Variants in ADAMTS2 observed in about 807,000 individuals in gnomAD.
The protein encoded by ADAMTS2 is ADAM metallopeptidase with thrombospondin type 1 motif 2.
ADAMTS2 carries 50 observed loss-of-function variants against 123.0 expected under a neutral mutation model. The observed-to-expected ratio is 0.41, with a 90% CI of 0.32 to 0.51. The LOEUF (loss-of-function observed/expected upper bound fraction) is 0.51, where lower values mean the gene tolerates loss of function less well. ADAMTS2 is among the 20% of genes least tolerant of loss of function. The pLI, the probability that ADAMTS2 is intolerant of heterozygous loss-of-function variation, is 0.35. For synonymous variants in ADAMTS2, 678 were observed against 695.4 expected, an observed-to-expected ratio of 0.98 and a Z score of 0.39; for missense variants, 1,494 against 1,705.2, an observed-to-expected ratio of 0.88 and a Z score of 2.18.
intron 3 of ADAMTS2, among the ~76,000 whole-genome samples, chr5:179,249,846 G>A (rs1214857424): frequency 6.6e-6 from 1 of 152,148 alleles, no homozygotes; most frequent in African/African-American, 2.4e-5. Context: ...ATCTTTCTAT[G>A]AGGCCAGCAT....
chr5:179,336,678 G>A (rs1757622003), intron 2 of ADAMTS2, among the ~76,000 whole-genome samples: 2 of 152,208 alleles, frequency 1.3e-5, no homozygotes, highest in South Asian at 4.1e-4. Flanking sequence ...CCTGGGGTAG[G>A]CGCTTGCTGC....
rs143793594 is a variant in ADAMTS2 at position 179,232,238 on chromosome 5, G to T, written c.689-24523C>A. ...TGTGCGGCTGTTACATTGCACCAAT[G>T]TTTTATCAAATCTCCGACTATGCCC... is the stretch of plus-strand genomic sequence containing the variant. On this transcript the variant is annotated intron_variant, in intron 3 of 21. Transcript: ENST00000251582. 9.8e-4 allele frequency among the ~76,000 whole-genome samples: 150 copies of T among 152,324 alleles called. 1 individual carries two copies. The highest frequency in any genetic ancestry group is 6.8e-3 in the Middle Eastern group (2 of 294).
At chr5:179,292,342 C>CCT (rs59290144) in intron 2 of ADAMTS2, among the ~76,000 whole-genome samples, 1 of 150,898 alleles carries the variant, frequency 6.6e-6, no homozygotes, top group African/African-American at 2.4e-5. Context: ...TATTACCCCC[C>CCT]AGCTGTGGGA....
chr5:179,274,069 C>G (rs1249674209), intron 2 of ADAMTS2, among the ~76,000 whole-genome samples: 2 of 151,112 alleles, frequency 1.3e-5, no homozygotes, highest in African/African-American at 4.9e-5. Context: ...CTGATTCAGA[C>G]CCCCTCACCT....
chr5:179,298,274 C>A (rs1756399518), intron 2 of ADAMTS2, among the ~76,000 whole-genome samples: 1 of 152,156 alleles, frequency 6.6e-6, no homozygotes, highest in African/African-American at 2.4e-5. Context: ...GCCAAGCCTC[C>A]ATGGAGATGA....
rs570216533 is a variant in ADAMTS2, at chr5:179,132,093, G to C, written c.2290+137C>G. The stretch of plus-strand genomic sequence containing the variant: ...CCCAGGTGGGCTGAGCAGAGGGACA[G>C]GTTGGGGAGGGGCTGCCCTGGCTCA... On this transcript the variant is annotated intron_variant, in intron 15 of 21. Coordinates refer to ENST00000251582, the MANE Select transcript of ADAMTS2 (RefSeq NM_014244.5). The surrounding 1 kb of genome is among the most constrained non-coding windows in gnomAD (Gnocchi z 6.1). 6.3e-5 allele frequency: 52 copies of C among 827,082 alleles called. No homozygotes were observed. Among genetic ancestry groups the C allele is most frequent in the Non-Finnish European group, 1.2e-5 (6 of 498,688 alleles). 51.2% of individuals were successfully genotyped at this position (827,082 alleles called of 1,614,324 possible).
rs1425551556 is a variant in ADAMTS2 at position 179,234,938 on chromosome 5, G to A, written c.689-27223C>T. Among the ~76,000 whole-genome samples the A allele has an allele frequency of 6.6e-6, 1 of 152,174 alleles. No homozygotes were observed. Among genetic ancestry groups the A allele is most frequent in the Non-Finnish European group, 1.5e-5 (1 of 68,032 alleles). ...AGCACACTGGCTAGGGCCTCCTGAT[G>A]GGCCTGACCTGCCTGCCAACCCTCC... On this transcript the variant is annotated intron_variant, in intron 3 of 21. Transcript: ENST00000251582. This position sits in a 1 kb window ranked among gnomAD's most constrained non-coding sequence, Gnocchi z 4.7.
In ADAMTS2 at chr5:179,128,617, T is replaced by G. The variant is rs1762902675; in HGVS notation, c.2458-499A>C. Among the ~76,000 whole-genome samples the G allele has an allele frequency of 6.6e-6, 1 of 152,124 alleles. No homozygotes were observed. The highest frequency in any genetic ancestry group is 6.5e-5 in the Admixed American group (1 of 15,278). On this transcript the variant is annotated intron_variant, in intron 16 of 21. Transcript: ENST00000251582. This position sits in a 1 kb window ranked among gnomAD's most constrained non-coding sequence, Gnocchi z 4.9. The stretch of plus-strand genomic sequence containing the variant: ...CATGTTGGCCAGGCTGGTCTTGAAC[T>G]CCTGACCTCAAGTGATCCACCCGCC...
At chr5:179,288,369 T>C (rs1339263455) in intron 2 of ADAMTS2, among the ~76,000 whole-genome samples, 4 of 152,070 alleles carry the variant, frequency 2.6e-5, no homozygotes, top group Admixed American at 1.3e-4. Flanking sequence ...CTGTCCAGAG[T>C]TCCCAAAACA....
intron 17 of ADAMTS2, among the ~76,000 whole-genome samples, chr5:179,126,899 T>C (rs1412356118): frequency 2.5e-5 from 3 of 120,862 alleles, no homozygotes; most frequent in Non-Finnish European, 5.9e-5. Context: ...AGGTGGGACA[T>C]GGTGTGTATC....
chr5:179,249,781 T>G (rs1313898791), intron 3 of ADAMTS2, among the ~76,000 whole-genome samples: 1 of 152,118 alleles, frequency 6.6e-6, no homozygotes, highest in African/African-American at 2.4e-5. Context: ...AAGAAAAACC[T>G]AGGACCAGAT....
At chr5:179,330,882 G>A (rs1299920838) in intron 2 of ADAMTS2, among the ~76,000 whole-genome samples, 1 of 152,194 alleles carries the variant, frequency 6.6e-6, no homozygotes, top group African/African-American at 2.4e-5. Flanking sequence ...GCTAGAAAAT[G>A]CACCAAGAAC....
intron 10 of ADAMTS2, among the ~76,000 whole-genome samples, chr5:179,143,810 A>G (rs1763211823): frequency 6.6e-6 from 1 of 152,096 alleles, no homozygotes; most frequent in South Asian, 2.1e-4. Flanking sequence ...CCCATTTTTT[A>G]TTACTTTAGT....
intron 17 of ADAMTS2, among the ~76,000 whole-genome samples, chr5:179,126,346 C>A (rs1351494837): frequency 1.3e-5 from 2 of 152,136 alleles, no homozygotes; most frequent in African/African-American, 4.8e-5. Flanking sequence ...GCCATTTTCT[C>A]CCCTAGGCTG....
chr5:179,127,449 C>T (rs948413896), intron 17 of ADAMTS2, among the ~76,000 whole-genome samples: 5 of 152,130 alleles, frequency 3.3e-5, no homozygotes, highest in Admixed American at 6.5e-5. Context: ...AACAGATCAG[C>T]GCTTCCTGTC....
intron 2 of ADAMTS2, among the ~76,000 whole-genome samples, chr5:179,338,822 T>C (rs1334172444): frequency 1.3e-5 from 2 of 150,526 alleles, no homozygotes; most frequent in African/African-American, 4.9e-5. Context: ...CAGTGGGGGG[T>C]ACAAGAGCAG....
In ADAMTS2 at chr5:179,234,321, C is replaced by A. The variant is rs1197115969; in HGVS notation, c.689-26606G>T. Among the ~76,000 whole-genome samples, 1 of 152,108 alleles carries A rather than the reference C, an allele frequency of 6.6e-6. No homozygotes were observed. Among genetic ancestry groups the A allele is most frequent in the African/African-American group, 2.4e-5 (1 of 41,416 alleles). On this transcript the variant is annotated intron_variant, in intron 3 of 21. Transcript: ENST00000251582. The surrounding 1 kb of genome is among the most constrained non-coding windows in gnomAD (Gnocchi z 4.7). ...CTTCTCCAGCTCTGCATGGAGAAGG[C>A]CTCACCATGCATCTCAGAGAGAAGT...
chr5:179,293,318 G>A (rs980701335), intron 2 of ADAMTS2, among the ~76,000 whole-genome samples: 2 of 152,248 alleles, frequency 1.3e-5, no homozygotes. Flanking sequence ...CACATGAGCA[G>A]CCTCTGATTC....
rs1306500990 is a variant in ADAMTS2 at position 179,281,974 on chromosome 5, TC to T, written c.535-8911del. Among the ~76,000 whole-genome samples, 45 of 152,368 alleles carry T rather than the reference TC, an allele frequency of 3.0e-4. 2 individuals carry two copies. The highest frequency in any genetic ancestry group is 1.0e-3 in the African/African-American group (43 of 41,594). ...TGGAGAAACATCCATTCAGATACTT[TC>T]CCTATTTTTAATAAGACCATTTTCT... On this transcript the variant is annotated intron_variant, in intron 2 of 21. Coordinates refer to ENST00000251582, the MANE Select transcript of ADAMTS2 (RefSeq NM_014244.5).
Sources: gnomAD v4.1 joint callset for allele counts (sites outside exome capture counted in the v4.1 genomes callset) on GRCh38, gnomAD v4.1.1 for gene constraint, Gnocchi (gnomAD v3.1) non-coding constraint, MANE v1.5 for transcripts, NCBI Gene and HGNC (gene_info 2026-07-23, HGNC 2026-07-21) for gene names.